Variants in MYLK2 observed in about 807,000 individuals in gnomAD.
The protein encoded by MYLK2 is myosin light chain kinase 2, also known as myosin light chain kinase 2, skeletal/cardiac muscle.
In MYLK2, 27 loss-of-function variants were observed where a neutral mutation model predicts 58.2. The ratio of observed to expected loss-of-function variants is 0.46; its 90% CI spans 0.34 to 0.64. The LOEUF is 0.64. Among genes scored for constraint, MYLK2 ranks in the 30% least tolerant of loss-of-function variants. MYLK2 has a pLI of 0.01. For synonymous variants in MYLK2, 310 were observed against 296.7 expected (o/e 1.04, Z -0.46); for missense variants, 676 against 764.3 (o/e 0.88, Z 1.36).
At position 31,832,144 on chromosome 20, in the gene MYLK2, T is replaced by TG. The variant is rs1406272218; in HGVS notation, c.1710+10dup. 7.2e-7 allele frequency: 1 copy of TG among 1,387,660 alleles called. No individual in the cohort carries two copies. Among genetic ancestry groups the TG allele is most frequent in the Non-Finnish European group, 9.9e-7 (1 of 1,009,900 alleles). The allele number at this position is 1,387,660 out of a possible 1,614,324, so 86.0% of individuals were successfully genotyped here. On this transcript the variant is annotated intron_variant, in intron 12 of 12. Transcript: ENST00000375985. ...ATGAAGAGGCGCTGGAAGGTACCGC[T>TG]GGATTCAGGGTGGGGAGGGAGGGCT...
At chr20:31,826,321 C>T (rs945184406) in intron 6 of MYLK2, among the ~76,000 whole-genome samples, 4 of 151,860 alleles carry the variant, frequency 2.6e-5, no homozygotes, top group African/African-American at 7.3e-5. Flanking sequence ...TATGCAGATG[C>T]CCAGGGAGAG....
chr20:31,825,598 G>A (rs1023589118), intron 6 of MYLK2, among the ~76,000 whole-genome samples: 1 of 152,162 alleles, frequency 6.6e-6, no homozygotes, highest in African/African-American at 2.4e-5. Flanking sequence ...GGAAAATAAA[G>A]CCAGGTAAGG....
At chr20:31,831,928 C>G in intron 11 of MYLK2, 73 bp downstream of exon 11, 1 of 1,613,292 alleles carries the variant, frequency 6.2e-7, no homozygotes, top group South Asian at 1.1e-5. Context: ...GGGCGGGAGC[C>G]AGGTAGAGAG....
In MYLK2 at chr20:31,826,687, C is replaced by T. The variant is rs549697670; in HGVS notation, c.1055C>T (p.Pro352Leu). Reference protein sequence around the residue: ...LIQLYAAIETPHEIVLFMEYI... With the variant: ...LIQLYAAIETLHEIVLFMEYI... Reference sequence around the variant, plus strand: ...CAGCTGTATGCAGCCATCGAGACTCCGCATGAGATCGTCCTGTTCATGGAG... The same window carrying T: ...CAGCTGTATGCAGCCATCGAGACTCTGCATGAGATCGTCCTGTTCATGGAG... Residue 352 changes from proline to leucine, a missense_variant, in exon 7 of 13, where the codon CCG becomes CTG. Physicochemically the swap from Pro to Leu is moderately conservative, Grantham distance 98 (BLOSUM62 -3). This residue lies in a region of MYLK2 where 370 missense variants were observed against 467.8 expected (regional missense o/e 0.79). Coordinates refer to ENST00000375985, the MANE Select transcript of MYLK2 (RefSeq NM_033118.4). 21 of 1,613,946 alleles carry T rather than the reference C, an allele frequency of 1.3e-5. No individual in the cohort carries two copies. The highest frequency in any genetic ancestry group is 6.6e-5 in the South Asian group (6 of 91,062).
At chr20:31,829,994 C>T (rs955896350) in intron 8 of MYLK2, among the ~76,000 whole-genome samples, 1 of 152,194 alleles carries the variant, frequency 6.6e-6, no homozygotes, top group Non-Finnish European at 1.5e-5. Flanking sequence ...AGAGCCAACC[C>T]TGTAGTGTTA....
Position 31,834,237 on chromosome 20 carries a change from G to C in MYLK2, c.*440G>C. On this transcript the variant is annotated 3_prime_UTR_variant, in exon 13 of 13. Transcript: ENST00000375985. ...GTAGGGCTTCTGTGGTTGTGGATGG[G>C]AGGCTCCTGGTGGGGCAGAAAGGCT... is the stretch of plus-strand genomic sequence containing the variant. 5.0e-6 allele frequency: 1 copy of C among 201,678 alleles called. No homozygotes were observed. Among genetic ancestry groups the C allele is most frequent in the Middle Eastern group, 2.1e-3 (1 of 478 alleles). 12.5% of individuals were successfully genotyped at this position (201,678 alleles called of 1,614,324 possible). A position where few individuals can be genotyped will look rare whatever the true frequency, so the allele number is the denominator to read the frequency against.
chr20:31,832,949 G>A (rs368277838), intron 12 of MYLK2, among the ~76,000 whole-genome samples: 9 of 152,126 alleles, frequency 5.9e-5, no homozygotes, highest in Admixed American at 5.2e-4. Flanking sequence ...GTGCAGTGGC[G>A]CTATCATGGC....
At chr20:31,833,134 T>G (rs886779856) in intron 12 of MYLK2, among the ~76,000 whole-genome samples, 1 of 152,120 alleles carries the variant, frequency 6.6e-6, no homozygotes, top group Non-Finnish European at 1.5e-5. Flanking sequence ...CCTCTCGAAG[T>G]GTTGGGATTA....
rs746360476 is a variant in MYLK2 at position 31,821,564 on chromosome 20, T to C, written c.599T>C (p.Leu200Pro). 1.9e-6 allele frequency: 3 copies of C among 1,613,966 alleles called. No homozygotes were observed. The African/African-American group carries it at 4.0e-5, about 22-fold the overall frequency. ...AAGGCAGAAGAAGGAAAGAACATCC[T>C]GGCAGAGAGCCAGAAGGAAGTGGGA... is the stretch of plus-strand genomic sequence containing the variant. Reference protein sequence around the residue: ...PAKAEEGKNILAESQKEVGEK... With the variant: ...PAKAEEGKNIPAESQKEVGEK... The change falls in exon 4 of 13, where the codon CTG (leucine) becomes CCG (proline). Residue 200 changes from leucine to proline, a missense_variant. Physicochemically the swap from Leu to Pro is moderately conservative, Grantham distance 98. Around this residue, in one of 2 missense-constraint regions of MYLK2, gnomAD observed 306 missense variants for 296.5 expected, o/e 1.03. Transcript: ENST00000375985.
chr20:31,826,715 G>A lies in MYLK2; in HGVS notation c.1082+1G>A, dbSNP rs2062281672. 6.2e-7 allele frequency: 1 copy of A among 1,613,962 alleles called. No homozygotes were observed. The highest frequency in any genetic ancestry group is 1.7e-5 in the Admixed American group (1 of 60,000). On this transcript the variant is annotated splice_donor_variant, in intron 7 of 12. Coordinates refer to ENST00000375985, the MANE Select transcript of MYLK2 (RefSeq NM_033118.4). LOFTEE classifies it high-confidence loss of function. The stretch of plus-strand genomic sequence containing the variant: ...ATGAGATCGTCCTGTTCATGGAGTA[G>A]TGAGTGCCCGAAGTAGTGGTAGGGG...
At position 31,833,914 on chromosome 20, in the gene MYLK2, C is replaced by G. The variant is rs2062320810; in HGVS notation, c.*117C>G. On this transcript the variant is annotated 3_prime_UTR_variant, in exon 13 of 13. Coordinates refer to ENST00000375985, the MANE Select transcript of MYLK2 (RefSeq NM_033118.4). The stretch of plus-strand genomic sequence containing the variant: ...CCAGGGCAGCCTCGTTAGGACAAGG[C>G]TGTGCCAGGCTGGGAGGCTCGGGGC... The G allele has an allele frequency of 1.1e-6, 1 of 947,402 alleles. No individual in the cohort carries two copies. The highest frequency in any genetic ancestry group is 1.6e-5 in the African/African-American group (1 of 61,434). The allele number at this position is 947,402 out of a possible 1,614,324, so 58.7% of individuals were successfully genotyped here.
In MYLK2 at chr20:31,833,972, G is replaced by A. The variant is rs917461616; in HGVS notation, c.*175G>A. 10 of 623,066 alleles carry A rather than the reference G, an allele frequency of 1.6e-5. No individual in the cohort carries two copies. Among genetic ancestry groups the A allele is most frequent in the East Asian group, 2.8e-5 (1 of 36,176 alleles). 38.6% of individuals were successfully genotyped at this position (623,066 alleles called of 1,614,324 possible). A position where few individuals can be genotyped will look rare whatever the true frequency, so the allele number is the denominator to read the frequency against. On this transcript the variant is annotated 3_prime_UTR_variant, in exon 13 of 13. Transcript: ENST00000375985. ...GCCCCCATGCAGTGACCGCTTCCCC[G>A]ATGTGAGCCGCCTCGGAGTGTGGCC...
intron 10 of MYLK2, 67 bp from the exon 11 acceptor site, chr20:31,831,636 A>G (rs1219630511): frequency 1.3e-6 from 2 of 1,571,488 alleles, no homozygotes; most frequent in African/African-American, 2.7e-5. Context: ...CCTGTTCCCT[A>G]CCCCTCTGAA....
At chr20:31,827,882 CTTT>C (rs10646259) in intron 8 of MYLK2, among the ~76,000 whole-genome samples, 5 of 94,834 alleles carry the variant, frequency 5.3e-5, no homozygotes, top group Non-Finnish European at 7.9e-5. Context: ...AGCAGATCTG[CTTT>C]TTTTTTTTTT....
intron 12 of MYLK2, among the ~76,000 whole-genome samples, chr20:31,832,476 A>G (rs1236568999): frequency 6.6e-6 from 1 of 152,182 alleles, no homozygotes; most frequent in African/African-American, 2.4e-5. Context: ...ACTTTTGGTG[A>G]GAGATGGGGC....
chr20:31,824,111 A>AG, intron 5 of MYLK2, 148 bp from the exon 6 acceptor site: 1 of 1,512,900 alleles, frequency 6.6e-7, no homozygotes, highest in Non-Finnish European at 8.8e-7. Context: ...GGAGGGAGTC[A>AG]GGGCTGGCTG....
intron 6 of MYLK2, 66 bp downstream of exon 6, chr20:31,824,418 C>A: frequency 6.4e-7 from 1 of 1,561,946 alleles, no homozygotes; most frequent in African/African-American, 1.4e-5. Flanking sequence ...GGGCACCTCT[C>A]GCCTCCCTCC....
At position 31,830,270 on chromosome 20, in the gene MYLK2, A is replaced by G. The variant is rs2062299171; in HGVS notation, c.1225-549A>G. Among the ~76,000 whole-genome samples, 7 of 152,156 alleles carry G rather than the reference A, an allele frequency of 4.6e-5. No homozygotes were observed. The South Asian group carries it at 1.5e-3, about 32-fold the overall frequency. On this transcript the variant is annotated intron_variant, in intron 8 of 12. Coordinates refer to ENST00000375985, the MANE Select transcript of MYLK2 (RefSeq NM_033118.4). ...ACTGGGGAGCTAAAGTGAGAAAGTG[A>G]GTGGACTGGGCCTGATGTTTTGTAG...
In MYLK2 at chr20:31,824,315, C is replaced by T; in HGVS notation, c.935C>T (p.Ala312Val). The T allele has an allele frequency of 6.2e-7, 1 of 1,613,398 alleles. No individual in the cohort carries two copies. ...CMEKATGLKL[A>V]AKVIKKQTPK... is the part of the protein sequence containing the mutation. ...GAGAAAGCCACAGGCCTCAAGCTGG[C>T]AGCCAAGGTCATCAAGAAACAGACT... The change falls in exon 6 of 13, where the codon GCA becomes GTA. Residue 312 changes from alanine to valine, a missense_variant. Physicochemically the swap from Ala to Val is moderately conservative, Grantham distance 64 (BLOSUM62 0). Coordinates refer to ENST00000375985, the MANE Select transcript of MYLK2 (RefSeq NM_033118.4).
Sources: allele counts gnomAD v4.1 joint callset (sites outside exome capture counted in the v4.1 genomes callset), GRCh38; gene constraint gnomAD v4.1.1; regional missense constraint gnomAD v4.1.1; transcripts MANE v1.5; gene names NCBI Gene and HGNC (gene_info 2026-07-23, HGNC 2026-07-21).